The following NMBR variants were observed in gnomAD, a reference collection of about 807,000 sequenced individuals.
The protein encoded by NMBR is neuromedin B receptor, also known as neuromedin-B receptor.
NMBR carries 16 observed loss-of-function variants against 20.5 expected under a neutral mutation model. The observed-to-expected ratio is 0.78, with a 90% CI of 0.53 to 1.19. The LOEUF (loss-of-function observed/expected upper bound fraction) is 1.19, where lower values mean the gene tolerates loss of function less well. Ranked by LOEUF, NMBR falls within the 50% of genes most tolerant of loss-of-function variation. The pLI is 0.00. For missense variants in NMBR, 582 were observed against 499.1 expected (o/e 1.17, Z -1.58); for synonymous variants, 212 against 196.6 (o/e 1.08, Z -0.65).
At chr6:142,141,910 A>T (rs952599557) in intron 1 of NMBR, among the ~76,000 whole-genome samples, 10 of 152,228 alleles carry the variant, frequency 6.6e-5, no homozygotes, top group East Asian at 3.9e-4. Flanking sequence ...GAGAAAATCA[A>T]TTAAACCAAA....
At chr6:142,121,781 T>A (rs1365300914) in intron 1 of NMBR, among the ~76,000 whole-genome samples, 1 of 151,812 alleles carries the variant, frequency 6.6e-6, no homozygotes, top group Non-Finnish European at 1.5e-5. Flanking sequence ...ACCATGCACA[T>A]TTACCTAACT....
chr6:142,105,390 G>T (rs879782599), intron 1 of NMBR, among the ~76,000 whole-genome samples: 3 of 152,022 alleles, frequency 2.0e-5, no homozygotes, highest in Non-Finnish European at 4.4e-5. Context: ...CCAAATTCTA[G>T]TTTTATGTTG....
chr6:142,097,124 C>T (rs1777469336), intron 1 of NMBR, among the ~76,000 whole-genome samples: 1 of 152,038 alleles, frequency 6.6e-6, no homozygotes, highest in African/African-American at 2.4e-5. Context: ...GACTCTTTAT[C>T]CAATTTGCCA....
intron 1 of NMBR, among the ~76,000 whole-genome samples, chr6:142,099,437 CAG>C (rs371692464): frequency 5.3e-5 from 8 of 152,114 alleles, no homozygotes; most frequent in African/African-American, 1.9e-4. Flanking sequence ...CGAAAAGAGA[CAG>C]AGTGTGAAGG....
chr6:142,093,443 G>A (rs1308282941), intron 1 of NMBR, among the ~76,000 whole-genome samples: 1 of 150,890 alleles, frequency 6.6e-6, no homozygotes, highest in Non-Finnish European at 1.5e-5. Flanking sequence ...GAGAATGATG[G>A]TTTCCAGCTT....
intron 1 of NMBR, among the ~76,000 whole-genome samples, chr6:142,093,865 T>A (rs1777386760): frequency 6.6e-6 from 1 of 152,138 alleles, no homozygotes; most frequent in Non-Finnish European, 1.5e-5. Flanking sequence ...TGAGATGGTA[T>A]CTCCTTGTGG....
chr6:142,088,256 T>G lies in NMBR; in HGVS notation c.403A>C (p.Thr135Pro). 6.2e-7 allele frequency: 1 copy of G among 1,612,466 alleles called. No homozygotes were observed. Among genetic ancestry groups the G allele is most frequent in the Non-Finnish European group, 8.5e-7 (1 of 1,179,908 alleles). Residue 135 changes from threonine to proline, a missense_variant, in exon 2 of 4, where the codon ACT becomes CCT. Thr to Pro is a conservative substitution (Grantham distance 38). Coordinates refer to ENST00000258042, the MANE Select transcript of NMBR (RefSeq NM_002511.4). The part of the protein sequence containing the change: ...TSVGVSVFTL[T>P]ALSADRYRAI... ...TCTTACCTGTCGGCGCTGAGGGCAG[T>G]GAGAGTGAACACGGAAACCCCCACG...
At chr6:142,136,039 T>TTCTAG in intron 1 of NMBR, among the ~76,000 whole-genome samples, 1 of 152,214 alleles carries the variant, frequency 6.6e-6, no homozygotes, top group South Asian at 2.1e-4. Context: ...TCAAATGGTA[T>TTCTAG]TTCTAGTTCT....
intron 1 of NMBR, among the ~76,000 whole-genome samples, chr6:142,145,955 G>C (rs1017958299): frequency 6.6e-6 from 1 of 152,174 alleles, no homozygotes; most frequent in African/African-American, 2.4e-5. Context: ...AAAGTTGTGA[G>C]TATAGAAAGA....
At chr6:142,141,069 A>G (rs1207937780) in intron 1 of NMBR, among the ~76,000 whole-genome samples, 1 of 152,250 alleles carries the variant, frequency 6.6e-6, no homozygotes, top group African/African-American at 2.4e-5. Flanking sequence ...ATTATTAATA[A>G]GCAACTTGAA....
At chr6:142,094,357 C>G (rs1777400796) in intron 1 of NMBR, among the ~76,000 whole-genome samples, 1 of 152,142 alleles carries the variant, frequency 6.6e-6, no homozygotes, top group Non-Finnish European at 1.5e-5. Flanking sequence ...CCAGTTTCAG[C>G]TTTCTACATA....
chr6:142,086,018 ACT>A (rs1777191277), intron 2 of NMBR, among the ~76,000 whole-genome samples: 1 of 118,568 alleles, frequency 8.4e-6, no homozygotes, highest in South Asian at 2.7e-4. Flanking sequence ...CAGCTCCTGT[ACT>A]CTTTTTTTTT....
intron 2 of NMBR, among the ~76,000 whole-genome samples, chr6:142,080,311 CT>C (rs767477652): frequency 0.024 from 2,817 of 116,146 alleles, 23 homozygotes; most frequent in South Asian, 0.067. Flanking sequence ...TGCCCTATAT[CT>C]TTTTTTTTTT....
chr6:142,114,307 T>C (rs1777815855), intron 1 of NMBR, among the ~76,000 whole-genome samples: 21 of 151,916 alleles, frequency 1.4e-4, no homozygotes, highest in Admixed American at 1.4e-3. Flanking sequence ...CCTTTTTTTC[T>C]TTTCATTTTT....
intron 1 of NMBR, among the ~76,000 whole-genome samples, chr6:142,142,490 A>C (rs1778376113): frequency 6.6e-6 from 1 of 151,886 alleles, no homozygotes; most frequent in African/African-American, 2.4e-5. Context: ...CAAACCAAAA[A>C]CCCTAAACCT....
At position 142,075,653 on chromosome 6, in the gene NMBR, G is replaced by A. The variant is rs7453944; in HGVS notation, c.1168C>T (p.Leu390=). ...NGHSMKQEMA[L] is the part of the protein sequence containing the mutation. ...AGTGAGTTGAATGGCCAAAATCACA[G>A]TGCCATTTCCTGCTTCATGCTGTGC... The change falls in exon 4 of 4, where the codon CTG becomes TTG. Residue 390 remains leucine (L), a synonymous_variant. Coordinates refer to ENST00000258042, the MANE Select transcript of NMBR (RefSeq NM_002511.4). 1.2e-6 allele frequency: 2 copies of A among 1,602,666 alleles called. No homozygotes were observed. The highest frequency in any genetic ancestry group is 1.7e-6 in the Non-Finnish European group (2 of 1,173,760).
intron 1 of NMBR, among the ~76,000 whole-genome samples, chr6:142,105,349 A>T (rs1481391196): frequency 6.6e-6 from 1 of 152,278 alleles, no homozygotes; most frequent in Non-Finnish European, 1.5e-5. Context: ...GACAATTAAT[A>T]CTATGTAAAA....
At position 142,078,572 on chromosome 6, in the gene NMBR, C is replaced by A. The variant is rs145581958; in HGVS notation, c.754G>T (p.Glu252Ter). 524 of 1,594,462 alleles carry A rather than the reference C, an allele frequency of 3.3e-4. No individual in the cohort carries two copies. The highest frequency in any genetic ancestry group is 4.2e-4 in the Non-Finnish European group (490 of 1,170,302). ...AAGCTTACCTGTTTTTTGGTATGTT[C>A]ATTGTATTCTCCAGGAAGATTGTGT... ...SAHNLPGEYNEHTKKQMETRK... is the reference protein window; with the variant it reads ...SAHNLPGEYN Residue 252 changes from glutamate (E) to a stop codon, truncating the protein, a stop_gained, in exon 3 of 4, where the codon GAA (glutamate) becomes TAA (stop). Coordinates refer to ENST00000258042, the MANE Select transcript of NMBR (RefSeq NM_002511.4). LOFTEE classifies it high-confidence loss of function.
chr6:142,137,403 A>G (rs1327020939), intron 1 of NMBR, among the ~76,000 whole-genome samples: 4 of 152,236 alleles, frequency 2.6e-5, no homozygotes, highest in African/African-American at 4.8e-5. Flanking sequence ...GGGCTGAGAC[A>G]ATGGGGTTTT....
Sources: allele counts gnomAD v4.1 joint callset (sites outside exome capture counted in the v4.1 genomes callset), GRCh38; gene constraint gnomAD v4.1.1; transcripts MANE v1.5; gene names NCBI Gene and HGNC (gene_info 2026-07-23, HGNC 2026-07-21).